KLRG2: variants seen among roughly 807,000 people sequenced by gnomAD.
The protein encoded by KLRG2 is killer cell lectin-like receptor subfamily G member 2.
Under a neutral mutation model 35.4 loss-of-function variants are expected in KLRG2, and 39 were observed. The ratio of observed to expected loss-of-function variants is 1.10; its 90% CI spans 0.85 to 1.44. The LOEUF (loss-of-function observed/expected upper bound fraction) is 1.44, where lower values mean the gene tolerates loss of function less well. Among genes scored for constraint, KLRG2 ranks in the 40% most tolerant of loss-of-function variants. KLRG2 has a pLI of 0.00. For synonymous variants in KLRG2, 283 were observed against 265.8 expected, an observed-to-expected ratio of 1.06 and a Z score of -0.63; for missense variants, 632 against 570.9, an observed-to-expected ratio of 1.11 and a Z score of -1.09.
At chr7:139,457,571 G>A (rs532086099) in intron 3 of KLRG2, among the ~76,000 whole-genome samples, 7 of 152,234 alleles carry the variant, frequency 4.6e-5, no homozygotes, top group Admixed American at 1.3e-4. Context: ...GTCCTCTCGC[G>A]TCTGACATGT....
chr7:139,483,100 C>A lies in KLRG2; in HGVS notation c.543G>T (p.Thr181=), dbSNP rs1000117203. Reference sequence around the variant, plus strand: ...CAGCCAGCGGCGAGCGGCGGCCCCACGTGCCGCCCTGGGATGGTGCGCGCA... The same window carrying A: ...CAGCCAGCGGCGAGCGGCGGCCCCAAGTGCCGCCCTGGGATGGTGCGCGCA... ...LLLRAPSQGG[T]WGRRSPLAAA... is the part of the protein sequence containing the mutation. The change falls in exon 1 of 5, where the codon ACG becomes ACT. Residue 181 remains threonine (T), a synonymous_variant. Transcript: ENST00000340940. 1.4e-6 allele frequency: 2 copies of A among 1,438,486 alleles called. No homozygotes were observed. Among genetic ancestry groups the A allele is most frequent in the East Asian group, 3.0e-5 (1 of 33,014 alleles). 89.1% of individuals were successfully genotyped at this position (1,438,486 alleles called of 1,614,324 possible).
chr7:139,435,190 A>G, the KLRG2 span, among the ~76,000 whole-genome samples: 9 of 152,276 alleles, frequency 5.9e-5, no homozygotes, highest in South Asian at 2.1e-4. Flanking sequence ...TTTTCCCACA[A>G]TAAAATTCAC....
chr7:139,427,987 C>A, the KLRG2 span, among the ~76,000 whole-genome samples: 1 of 152,124 alleles, frequency 6.6e-6, no homozygotes, highest in Non-Finnish European at 1.5e-5. Flanking sequence ...TCAGCCGACA[C>A]CTTTTTGATT....
chr7:139,477,099 G>T (rs904975746), intron 3 of KLRG2, among the ~76,000 whole-genome samples: 3 of 152,066 alleles, frequency 2.0e-5, no homozygotes, highest in African/African-American at 7.2e-5. Flanking sequence ...CCTGCCCCCA[G>T]GTAAAATTAA....
intron 3 of KLRG2, among the ~76,000 whole-genome samples, chr7:139,465,317 G>T (rs1181352937): frequency 6.6e-6 from 1 of 152,138 alleles, no homozygotes; most frequent in African/African-American, 2.4e-5. Flanking sequence ...TGGGCAGAAA[G>T]AAATTTCCTC....
At chr7:139,459,684 G>A (rs17160924) in intron 3 of KLRG2, among the ~76,000 whole-genome samples, 12,364 of 152,106 alleles carry the variant, frequency 0.081, 756 homozygotes, top group East Asian at 0.33. Context: ...TATTATTTGT[G>A]GAACATTTAG....
chr7:139,450,133 C>G (rs950803325), downstream of KLRG2, among the ~76,000 whole-genome samples: 12 of 149,572 alleles, frequency 8.0e-5, no homozygotes, highest in Non-Finnish European at 1.3e-4. Context: ...ACCTCTGCCT[C>G]CCGGGTTCAA....
At chr7:139,450,369 G>T (rs1026862446), downstream of KLRG2, among the ~76,000 whole-genome samples, 9 of 151,802 alleles carry the variant, frequency 5.9e-5, no homozygotes, top group Admixed American at 2.0e-4. Context: ...GACTACAGGC[G>T]CCTGCCACCA....
chr7:139,459,514 G>C (rs373490974), intron 3 of KLRG2, among the ~76,000 whole-genome samples: 1 of 152,086 alleles, frequency 6.6e-6, no homozygotes, highest in South Asian at 2.1e-4. Context: ...GAGTCGTTTG[G>C]TACAGGAGCC....
chr7:139,445,779 A>ATGTG, the KLRG2 span, among the ~76,000 whole-genome samples: 20 of 120,218 alleles, frequency 1.7e-4, no homozygotes, highest in African/African-American at 1.1e-3. Flanking sequence ...ATATATATAT[A>ATGTG]TGTATATATA....
At chr7:139,454,838 AATAATAATAATAATAATAAT>A (rs1796436816) in intron 3 of KLRG2, among the ~76,000 whole-genome samples, 1 of 78,400 alleles carries the variant, frequency 1.3e-5, no homozygotes, top group Non-Finnish European at 2.2e-5. Flanking sequence ...TAATAATAAT[AATAATAATAATAATAATAAT>A]AATAATAACA....
the KLRG2 span, among the ~76,000 whole-genome samples, chr7:139,433,562 G>A: frequency 6.6e-6 from 1 of 151,648 alleles, no homozygotes; most frequent in Non-Finnish European, 1.5e-5. Flanking sequence ...CCAACCTCAG[G>A]TGATCAGCCT....
intron 3 of KLRG2, among the ~76,000 whole-genome samples, chr7:139,469,740 G>A (rs1342173158): frequency 1.3e-5 from 2 of 152,156 alleles, no homozygotes; most frequent in Non-Finnish European, 2.9e-5. Flanking sequence ...CACTACGCCC[G>A]GCTAATACAG....
Position 139,483,599 on chromosome 7 carries a change from G to A in KLRG2, c.44C>T (p.Ala15Val), listed in dbSNP as rs750523681. 1 of 1,588,602 alleles carries A rather than the reference G, an allele frequency of 6.3e-7. No individual in the cohort carries two copies. Among genetic ancestry groups the A allele is most frequent in the Non-Finnish European group, 8.5e-7 (1 of 1,175,334 alleles). The change falls in exon 1 of 5, where the codon GCA becomes GTA. Residue 15 changes from alanine (A) to valine (V), a missense_variant. Coordinates refer to ENST00000340940, the MANE Select transcript of KLRG2 (RefSeq NM_198508.4). ...TCCCACGGGCTCCATTGGGAGCTCTGCCCCGGCTTGGCCTCCGGGCGCAGC... is the reference window on the plus strand; with the variant it reads ...TCCCACGGGCTCCATTGGGAGCTCTACCCCGGCTTGGCCTCCGGGCGCAGC... ...WEAAPGGQAG[A>V]ELPMEPVGSL...
chr7:139,436,205 G>C, the KLRG2 span, among the ~76,000 whole-genome samples: 1 of 151,940 alleles, frequency 6.6e-6, no homozygotes, highest in South Asian at 2.1e-4. Flanking sequence ...GCCTGGCCGG[G>C]TCTGTACTCT....
the KLRG2 span, among the ~76,000 whole-genome samples, chr7:139,430,143 T>C: frequency 1.3e-5 from 2 of 152,214 alleles, no homozygotes; most frequent in South Asian, 4.1e-4. Context: ...TGGCTAATGC[T>C]TGTAATCCCA....
intron 3 of KLRG2, among the ~76,000 whole-genome samples, chr7:139,466,688 A>G (rs2116452847): frequency 6.6e-6 from 1 of 151,466 alleles, no homozygotes; most frequent in African/African-American, 2.4e-5. Context: ...CTAGCTTTGC[A>G]TTTCTCTTTC....
At chr7:139,453,968 A>G in intron 4 of KLRG2, 143 bp downstream of exon 4, 1 of 687,388 alleles carries the variant, frequency 1.5e-6, no homozygotes, top group Non-Finnish European at 2.5e-6. Context: ...GACAGGGTCT[A>G]ATCAGGCACC....
At chr7:139,429,833 C>G in the KLRG2 span, among the ~76,000 whole-genome samples, 8 of 152,176 alleles carry the variant, frequency 5.3e-5, no homozygotes, top group Non-Finnish European at 7.3e-5. Context: ...CCCCCCCTTT[C>G]TATTCCACAA....
Sources: allele counts gnomAD v4.1 joint callset (sites outside exome capture counted in the v4.1 genomes callset), GRCh38; gene constraint gnomAD v4.1.1; transcripts MANE v1.5; gene names NCBI Gene and HGNC (gene_info 2026-07-23, HGNC 2026-07-21).